LRFN2: variants seen among roughly 807,000 people sequenced by gnomAD.
LRFN2 encodes the protein leucine rich repeat and fibronectin type III domain containing 2, also known as leucine-rich repeat and fibronectin type-III domain-containing protein 2.
LRFN2 carries 18 observed loss-of-function variants against 37.3 expected under a neutral mutation model. The observed-to-expected ratio is 0.48, with a 90% CI of 0.33 to 0.72. The LOEUF (loss-of-function observed/expected upper bound fraction) is 0.72. Ranked by LOEUF, LRFN2 falls within the 30% of genes least tolerant of loss-of-function variation. LRFN2 has a pLI of 0.02. For missense variants in LRFN2, 1,006 were observed against 1,060.7 expected, an observed-to-expected ratio of 0.95 and a Z score of 0.72; for synonymous variants, 556 against 466.6, an observed-to-expected ratio of 1.19 and a Z score of -2.47.
intron 2 of LRFN2, among the ~76,000 whole-genome samples, chr6:40,407,371 A>G (rs1207838610): frequency 1.3e-5 from 2 of 152,224 alleles, no homozygotes; most frequent in Non-Finnish European, 2.9e-5. Flanking sequence ...GCCCCCGACC[A>G]GATGTGTGAC....
chr6:40,573,565 A>C (rs997621627), intron 1 of LRFN2, among the ~76,000 whole-genome samples: 2 of 152,366 alleles, frequency 1.3e-5, no homozygotes, highest in Admixed American at 6.5e-5. Context: ...GGCTTAGGGC[A>C]TGGCAGTGGA....
intron 2 of LRFN2, among the ~76,000 whole-genome samples, chr6:40,410,075 G>C (rs905106658): frequency 6.6e-6 from 1 of 152,168 alleles, no homozygotes; most frequent in African/African-American, 2.4e-5. Flanking sequence ...GGAGGTCTCA[G>C]GTGGGCAGCT....
intron 2 of LRFN2, among the ~76,000 whole-genome samples, chr6:40,430,225 A>AG (rs1561850759): frequency 6.6e-6 from 1 of 152,196 alleles, no homozygotes; most frequent in Non-Finnish European, 1.5e-5. Context: ...CTGCCAAGTA[A>AG]GGGGAGTTCC....
chr6:40,523,162 A>C (rs1362693630), intron 1 of LRFN2, among the ~76,000 whole-genome samples: 3 of 152,204 alleles, frequency 2.0e-5, no homozygotes, highest in Admixed American at 1.3e-4. Context: ...ACTATGTGTC[A>C]CTGGACCAAA....
At chr6:40,503,451 G>A (rs1274420627) in intron 1 of LRFN2, among the ~76,000 whole-genome samples, 1 of 152,128 alleles carries the variant, frequency 6.6e-6, no homozygotes, top group African/African-American at 2.4e-5. Flanking sequence ...CGGTCCTCTG[G>A]GACACAGAGC....
chr6:40,520,344 G>C (rs901261623), intron 1 of LRFN2, among the ~76,000 whole-genome samples: 11 of 152,148 alleles, frequency 7.2e-5, no homozygotes, highest in African/African-American at 2.4e-5. Flanking sequence ...GGTGCAGGGA[G>C]GGGGAGCAAG....
At chr6:40,539,981 T>G (rs368751372) in intron 1 of LRFN2, among the ~76,000 whole-genome samples, 43 of 152,270 alleles carry the variant, frequency 2.8e-4, no homozygotes, top group African/African-American at 1.0e-3. Context: ...GAGGCTGTAA[T>G]GCTTGAGATC....
intron 1 of LRFN2, among the ~76,000 whole-genome samples, chr6:40,446,635 C>A (rs1763976301): frequency 6.6e-6 from 1 of 152,218 alleles, no homozygotes; most frequent in Non-Finnish European, 1.5e-5. Context: ...CATACAGAAT[C>A]TGAGTAAATA....
intron 1 of LRFN2, among the ~76,000 whole-genome samples, chr6:40,574,521 G>C (rs59341795): frequency 6.6e-6 from 1 of 152,134 alleles, no homozygotes; most frequent in Non-Finnish European, 1.5e-5. Context: ...ATCACGGGGT[G>C]GGGGGTGGCG....
At chr6:40,570,642 G>T (rs978688400) in intron 1 of LRFN2, among the ~76,000 whole-genome samples, 2 of 152,216 alleles carry the variant, frequency 1.3e-5, no homozygotes, top group African/African-American at 4.8e-5. Flanking sequence ...GGGGGAAGCT[G>T]CTCTTAGTGA....
At chr6:40,424,529 T>A (rs942834661) in intron 2 of LRFN2, among the ~76,000 whole-genome samples, 8 of 152,190 alleles carry the variant, frequency 5.3e-5, no homozygotes, top group Admixed American at 5.2e-4. Flanking sequence ...AAAATGGGTT[T>A]AACGTTATTG....
intron 1 of LRFN2, among the ~76,000 whole-genome samples, chr6:40,498,372 C>T (rs1363499486): frequency 6.6e-6 from 1 of 152,140 alleles, no homozygotes; most frequent in African/African-American, 2.4e-5. Context: ...TTCAGACATG[C>T]CAGGGCCATT....
chr6:40,398,306 T>C (rs1762657251), intron 2 of LRFN2, among the ~76,000 whole-genome samples: 1 of 151,750 alleles, frequency 6.6e-6, no homozygotes, highest in East Asian at 1.9e-4. Flanking sequence ...TTGAGGCACA[T>C]TGGTTTAGAG....
intron 1 of LRFN2, among the ~76,000 whole-genome samples, chr6:40,437,326 C>A (rs544884381): frequency 3.3e-5 from 5 of 152,270 alleles, no homozygotes; most frequent in African/African-American, 1.2e-4. Context: ...ATCCTTTGTG[C>A]CCTTCTACCC....
chr6:40,491,438 C>A (rs1036648144), intron 1 of LRFN2, among the ~76,000 whole-genome samples: 2 of 152,214 alleles, frequency 1.3e-5, no homozygotes, highest in African/African-American at 4.8e-5. Context: ...CCTAGCATCC[C>A]GGCTCTGGCC....
chr6:40,451,235 G>T (rs1053810527), intron 1 of LRFN2, among the ~76,000 whole-genome samples: 2 of 152,178 alleles, frequency 1.3e-5, no homozygotes. Context: ...GCTTTCATTA[G>T]AATTTATGTG....
chr6:40,471,700 T>C (rs1193594259), intron 1 of LRFN2, among the ~76,000 whole-genome samples: 1 of 152,170 alleles, frequency 6.6e-6, no homozygotes, highest in Non-Finnish European at 1.5e-5. Flanking sequence ...TTCATTCTGA[T>C]TGCACAACCA....
intron 2 of LRFN2, among the ~76,000 whole-genome samples, chr6:40,404,860 A>C (rs1762809882): frequency 6.6e-6 from 1 of 152,258 alleles, no homozygotes; most frequent in Middle Eastern, 3.4e-3. Flanking sequence ...TGACTCTTCC[A>C]GTTCTCCATG....
intron 1 of LRFN2, among the ~76,000 whole-genome samples, chr6:40,438,204 C>T (rs1763737189): frequency 6.6e-6 from 1 of 152,126 alleles, no homozygotes; most frequent in South Asian, 2.1e-4. Context: ...AAACACTCCC[C>T]AAACCGAACC....
Sources: gnomAD v4.1 joint callset for allele counts (sites outside exome capture counted in the v4.1 genomes callset) on GRCh38, gnomAD v4.1.1 for gene constraint, MANE v1.5 for transcripts, NCBI Gene and HGNC (gene_info 2026-07-23, HGNC 2026-07-21) for gene names.